Variants in MTMR2 observed in about 807,000 individuals in gnomAD.
The protein encoded by MTMR2 is phosphatidylinositol-3,5-bisphosphate 3-phosphatase MTMR2.
A neutral mutation model predicts 86.9 loss-of-function variants in MTMR2; 55 were observed. That is an observed-to-expected ratio of 0.63 (90% CI 0.51 to 0.79). The LOEUF (loss-of-function observed/expected upper bound fraction) is 0.79. Ranked by LOEUF, MTMR2 falls within the 30% of genes least tolerant of loss-of-function variation. The pLI is 0.00. For synonymous variants in MTMR2, 241 were observed against 266.8 expected, an observed-to-expected ratio of 0.90 and a Z score of 0.94; for missense variants, 659 against 772.3, an observed-to-expected ratio of 0.85 and a Z score of 1.74.
chr11:95,840,668 T>C (rs577232351), intron 12 of MTMR2, among the ~76,000 whole-genome samples: 58 of 152,282 alleles, frequency 3.8e-4, no homozygotes, highest in African/African-American at 1.3e-3. Context: ...TAGAAATGCT[T>C]ATGGAGGCAA....
chr11:95,867,331 T>C (rs1474195453), intron 2 of MTMR2, among the ~76,000 whole-genome samples: 2 of 152,138 alleles, frequency 1.3e-5, no homozygotes, highest in African/African-American at 4.8e-5. Flanking sequence ...TCTACATTTC[T>C]ACATTCAGAA....
chr11:95,905,331 G>GCGCGCGCGCGCA (rs928252045), intron 1 of MTMR2, among the ~76,000 whole-genome samples: 1 of 147,992 alleles, frequency 6.8e-6, no homozygotes, highest in African/African-American at 2.5e-5. Flanking sequence ...ACGCACCTGC[G>GCGCGCGCGCGCA]CACACACACA....
chr11:95,875,739 C>T (rs1865085526), intron 2 of MTMR2, among the ~76,000 whole-genome samples: 1 of 151,964 alleles, frequency 6.6e-6, no homozygotes, highest in Non-Finnish European at 1.5e-5. Context: ...TTTTATCTAC[C>T]TTTGGTCTTT....
At chr11:95,899,900 T>A (rs1263951962) in intron 1 of MTMR2, among the ~76,000 whole-genome samples, 2 of 152,128 alleles carry the variant, frequency 1.3e-5, no homozygotes, top group African/African-American at 2.4e-5. Context: ...ATGCTAAAAA[T>A]CCAGATTATG....
chr11:95,847,516 A>T (rs1160067913), intron 10 of MTMR2, among the ~76,000 whole-genome samples, 198 bp downstream of exon 10: 1 of 152,196 alleles, frequency 6.6e-6, no homozygotes, highest in Non-Finnish European at 1.5e-5. Context: ...AAGAAATACA[A>T]CATAACCAAA....
intron 10 of MTMR2, among the ~76,000 whole-genome samples, chr11:95,845,457 A>G (rs1863746994): frequency 6.6e-6 from 1 of 152,190 alleles, no homozygotes; most frequent in Non-Finnish European, 1.5e-5. Context: ...AGTTCTAAAG[A>G]GATCTGTTTC....
intron 5 of MTMR2, among the ~76,000 whole-genome samples, chr11:95,861,650 T>C (rs909810326): frequency 6.6e-5 from 10 of 151,994 alleles, no homozygotes; most frequent in African/African-American, 2.4e-4. Flanking sequence ...TCTCGAACTC[T>C]TGACCTGATG....
intron 1 of MTMR2, among the ~76,000 whole-genome samples, chr11:95,900,945 C>T (rs1407571388): frequency 6.6e-6 from 1 of 152,188 alleles, no homozygotes; most frequent in Non-Finnish European, 1.5e-5. Context: ...TCCTTAACCT[C>T]TGTGCATTAT....
intron 7 of MTMR2, among the ~76,000 whole-genome samples, chr11:95,854,679 T>C (rs1864145326): frequency 6.6e-6 from 1 of 152,096 alleles, no homozygotes; most frequent in Non-Finnish European, 1.5e-5. Flanking sequence ...TTGCCCAGGC[T>C]GGTGTCGAAC....
At chr11:95,849,934 G>A in intron 8 of MTMR2, 72 bp from the exon 9 acceptor site, 3 of 1,376,442 alleles carry the variant, frequency 2.2e-6, no homozygotes, top group Middle Eastern at 1.8e-4. Flanking sequence ...ACAGTACTCA[G>A]TAAAGCTCTG....
chr11:95,910,431 T>A (rs933041464), intron 1 of MTMR2, among the ~76,000 whole-genome samples: 6 of 152,082 alleles, frequency 3.9e-5, no homozygotes, highest in Admixed American at 3.9e-4. Flanking sequence ...AAGATGCAGA[T>A]GAACAAACAT....
intron 2 of MTMR2, among the ~76,000 whole-genome samples, chr11:95,870,735 T>C (rs1591006211): frequency 3.5e-5 from 5 of 144,646 alleles, no homozygotes; most frequent in South Asian, 2.2e-4. Context: ...TTTTTTCTTT[T>C]TCTTTTTTTT....
At chr11:95,892,990 CT>C (rs1484965185) in intron 1 of MTMR2, among the ~76,000 whole-genome samples, 1 of 152,118 alleles carries the variant, frequency 6.6e-6, no homozygotes, top group Non-Finnish European at 1.5e-5. Context: ...TTCTACATTA[CT>C]ATTAGTTTTG....
intron 7 of MTMR2, among the ~76,000 whole-genome samples, chr11:95,856,333 C>CTTTT (rs11454567): frequency 6.2e-5 from 9 of 145,306 alleles, no homozygotes; most frequent in South Asian, 2.2e-4. Context: ...TTACCACTTC[C>CTTTT]TTTTTTTTTT....
At chr11:95,893,819 C>T (rs1389518372) in intron 1 of MTMR2, among the ~76,000 whole-genome samples, 1 of 152,154 alleles carries the variant, frequency 6.6e-6, no homozygotes, top group Non-Finnish European at 1.5e-5. Flanking sequence ...CTACTTTTTA[C>T]CATCCTAACA....
At chr11:95,847,477 G>A (rs777359448) in intron 10 of MTMR2, among the ~76,000 whole-genome samples, 6 of 152,054 alleles carry the variant, frequency 3.9e-5, no homozygotes, top group African/African-American at 7.2e-5. Flanking sequence ...AGGATGGTTC[G>A]AATTCAGATA....
At chr11:95,842,837 TA>T (rs1047502222) in intron 11 of MTMR2, among the ~76,000 whole-genome samples, 2 of 151,994 alleles carry the variant, frequency 1.3e-5, no homozygotes, top group Non-Finnish European at 2.9e-5. Flanking sequence ...CACTCACAGT[TA>T]AATTAAAGAA....
intron 2 of MTMR2, among the ~76,000 whole-genome samples, chr11:95,881,122 T>A (rs911619816): frequency 6.6e-6 from 1 of 151,540 alleles, no homozygotes. Flanking sequence ...GAGTTAGAAA[T>A]TCAACCTTTT....
At chr11:95,860,531 C>T (rs894881320) in intron 5 of MTMR2, among the ~76,000 whole-genome samples, 1 of 152,010 alleles carries the variant, frequency 6.6e-6, no homozygotes, top group African/African-American at 2.4e-5. Flanking sequence ...AAAATAATTA[C>T]TAAGTCATTA....
Sources: allele counts gnomAD v4.1 joint callset (sites outside exome capture counted in the v4.1 genomes callset), GRCh38; gene constraint gnomAD v4.1.1; transcripts MANE v1.5; gene names NCBI Gene and HGNC (gene_info 2026-07-23, HGNC 2026-07-21).